CNTN3: variants seen among roughly 807,000 people sequenced by gnomAD.
CNTN3 encodes contactin 3, also known as contactin-3.
CNTN3 carries 60 observed loss-of-function variants against 119.1 expected under a neutral mutation model. The observed-to-expected ratio is 0.50, with a 90% CI of 0.41 to 0.62. CNTN3 has a LOEUF of 0.62. Ranked by LOEUF, CNTN3 falls within the 20% of genes least tolerant of loss-of-function variation. The pLI is 0.00. For synonymous variants in CNTN3, 450 were observed against 438.7 expected, an observed-to-expected ratio of 1.03 and a Z score of -0.32; for missense variants, 1,101 against 1,242.4, an observed-to-expected ratio of 0.89 and a Z score of 1.71.
At chr3:74,476,098 C>T (rs914768198) in intron 4 of CNTN3, among the ~76,000 whole-genome samples, 1 of 152,082 alleles carries the variant, frequency 6.6e-6, no homozygotes, top group Admixed American at 6.6e-5. Context: ...AAGCTTCATT[C>T]AGGTATGAGT....
chr3:74,549,118 G>A (rs1234653389), intron 1 of CNTN3, among the ~76,000 whole-genome samples: 1 of 152,154 alleles, frequency 6.6e-6, no homozygotes, highest in Admixed American at 6.5e-5. Flanking sequence ...TGAGGCTCTG[G>A]TGGACGGTGA....
intron 5 of CNTN3, among the ~76,000 whole-genome samples, chr3:74,416,813 C>T (rs1317626660): frequency 6.6e-6 from 1 of 151,894 alleles, no homozygotes; most frequent in Non-Finnish European, 1.5e-5. Context: ...CATGGCAAAA[C>T]CCCATCTCTT....
intron 17 of CNTN3, 149 bp from the exon 18 acceptor site, chr3:74,298,340 A>C (rs1702383638): frequency 2.1e-6 from 1 of 477,846 alleles, no homozygotes; most frequent in South Asian, 6.0e-5. Context: ...GGAGAAAAAC[A>C]TCAGCAGGAG....
intron 5 of CNTN3, among the ~76,000 whole-genome samples, chr3:74,391,204 G>A (rs577321409): frequency 6.6e-6 from 1 of 152,196 alleles, no homozygotes; most frequent in African/African-American, 2.4e-5. Context: ...TCCTTAAAAT[G>A]GGAGTTTTTC....
At chr3:74,371,808 T>C (rs2106792753) in intron 5 of CNTN3, among the ~76,000 whole-genome samples, 1 of 152,240 alleles carries the variant, frequency 6.6e-6, no homozygotes, top group South Asian at 2.1e-4. Context: ...TTGCTTAACC[T>C]GAATATGAGG....
intron 5 of CNTN3, among the ~76,000 whole-genome samples, chr3:74,406,415 G>A (rs1705324387): frequency 1.3e-5 from 2 of 151,838 alleles, no homozygotes; most frequent in Non-Finnish European, 2.9e-5. Flanking sequence ...ACCAAAATGA[G>A]GGTTATCTTG....
At chr3:74,463,321 T>C (rs1384485087) in intron 4 of CNTN3, among the ~76,000 whole-genome samples, 1 of 152,104 alleles carries the variant, frequency 6.6e-6, no homozygotes, top group African/African-American at 2.4e-5. Flanking sequence ...TGAAAATGGC[T>C]GATAGATAAC....
At chr3:74,395,512 A>G (rs1291382002) in intron 5 of CNTN3, among the ~76,000 whole-genome samples, 1 of 152,316 alleles carries the variant, frequency 6.6e-6, no homozygotes, top group African/African-American at 2.4e-5. Context: ...TAAAGGTTAT[A>G]TAAGTGCCTA....
At chr3:74,592,108 T>C (rs991754688) in intron 1 of CNTN3, among the ~76,000 whole-genome samples, 6 of 151,684 alleles carry the variant, frequency 4.0e-5, no homozygotes, top group African/African-American at 1.5e-4. Context: ...AAAGTGGTGG[T>C]GAAATCCATG....
intron 1 of CNTN3, among the ~76,000 whole-genome samples, chr3:74,592,570 C>T (rs1704722128): frequency 6.6e-6 from 1 of 151,846 alleles, no homozygotes; most frequent in Non-Finnish European, 1.5e-5. Flanking sequence ...GTTCCTCAGA[C>T]TTCAGAAAGT....
intron 1 of CNTN3, among the ~76,000 whole-genome samples, chr3:74,577,017 G>A (rs1264118721): frequency 2.6e-5 from 4 of 152,104 alleles, no homozygotes; most frequent in Admixed American, 2.0e-4. Context: ...ATACTTGAGG[G>A]TGATGTAGAT....
rs147295117 is a variant in CNTN3 at position 74,384,861 on chromosome 3, G to T, written c.455-13462C>A. On this transcript the variant is annotated intron_variant, in intron 5 of 22. Transcript: ENST00000263665. ...TTACTGAACTGCTCATATTTGTTTT[G>T]TACCAAATTTTATCTCAACAACATA... is the stretch of plus-strand genomic sequence containing the variant. 4.8e-3 allele frequency among the ~76,000 whole-genome samples: 729 copies of T among 152,142 alleles called. 12 individuals carry two copies. Among genetic ancestry groups the T allele is most frequent in the African/African-American group, 0.017 (693 of 41,506 alleles).
chr3:74,310,179 G>A (rs1702648795), intron 13 of CNTN3, among the ~76,000 whole-genome samples: 1 of 151,728 alleles, frequency 6.6e-6, no homozygotes, highest in South Asian at 2.1e-4. Context: ...TCTGCCTCTT[G>A]TAGAATGATA....
intron 10 of CNTN3, among the ~76,000 whole-genome samples, chr3:74,363,232 T>A (rs1704116340): frequency 6.6e-6 from 1 of 152,178 alleles, no homozygotes; most frequent in South Asian, 2.1e-4. Context: ...CCTCCAGGCA[T>A]CATTCCTCCT....
At chr3:74,527,143 A>C (rs1703632099) in intron 1 of CNTN3, among the ~76,000 whole-genome samples, 1 of 151,942 alleles carries the variant, frequency 6.6e-6, no homozygotes, top group South Asian at 2.1e-4. Context: ...TTCATGCATA[A>C]ATTAATGAAA....
chr3:74,391,410 T>A (rs1336917228), intron 5 of CNTN3, among the ~76,000 whole-genome samples: 1 of 152,130 alleles, frequency 6.6e-6, no homozygotes, highest in Non-Finnish European at 1.5e-5. Flanking sequence ...CATTCTGAGC[T>A]TATGTTCCCA....
intron 1 of CNTN3, among the ~76,000 whole-genome samples, chr3:74,527,913 AG>A (rs932542217): frequency 6.6e-6 from 1 of 152,110 alleles, no homozygotes; most frequent in African/African-American, 2.4e-5. Flanking sequence ...TCCCTGAAGG[AG>A]AACAGCACTG....
chr3:74,437,673 T>C (rs988172737), intron 4 of CNTN3, among the ~76,000 whole-genome samples: 7 of 152,284 alleles, frequency 4.6e-5, no homozygotes, highest in Non-Finnish European at 8.8e-5. Flanking sequence ...GAGTTTCTTA[T>C]ACTTCAAGTG....
At chr3:74,450,668 C>T (rs1435796123) in intron 4 of CNTN3, among the ~76,000 whole-genome samples, 2 of 125,986 alleles carry the variant, frequency 1.6e-5, no homozygotes, top group African/African-American at 2.9e-5. Context: ...CCCCCTCCCC[C>T]CACCCCACAA....
Sources: allele counts gnomAD v4.1 joint callset (sites outside exome capture counted in the v4.1 genomes callset), GRCh38; gene constraint gnomAD v4.1.1; transcripts MANE v1.5; gene names NCBI Gene and HGNC (gene_info 2026-07-23, HGNC 2026-07-21).